Variants in RASA2 observed in about 807,000 individuals in gnomAD.
RASA2 encodes RAS p21 protein activator 2.
In RASA2, 155 loss-of-function variants were observed where a neutral mutation model predicts 118.2. The observed-to-expected ratio is 1.31, with a 90% CI of 1.15 to 1.50. The LOEUF is 1.50. RASA2 is among the 40% of genes most tolerant of loss of function. The pLI, the probability that RASA2 is intolerant of heterozygous loss-of-function variation, is 0.00. For synonymous variants in RASA2, 353 were observed against 349.1 expected, an observed-to-expected ratio of 1.01 and a Z score of -0.12; for missense variants, 1,016 against 1,009.6, an observed-to-expected ratio of 1.01 and a Z score of -0.09.
At chr3:141,531,000 C>T (rs2082251853) in intron 4 of RASA2, among the ~76,000 whole-genome samples, 1 of 151,934 alleles carries the variant, frequency 6.6e-6, no homozygotes, top group Non-Finnish European at 1.5e-5. Flanking sequence ...TTGCTGTGTT[C>T]GATTCATATG....
At chr3:141,526,493 T>G (rs979883276) in intron 3 of RASA2, among the ~76,000 whole-genome samples, 2 of 152,144 alleles carry the variant, frequency 1.3e-5, no homozygotes, top group Non-Finnish European at 2.9e-5. Context: ...TTTTATTCCC[T>G]TGGGCTGATG....
chr3:141,500,839 T>C (rs1003662392), intron 1 of RASA2, among the ~76,000 whole-genome samples: 7 of 152,146 alleles, frequency 4.6e-5, no homozygotes, highest in Admixed American at 1.3e-4. Context: ...ATTTCAAGTG[T>C]TGTCTCTCAG....
At chr3:141,592,622 G>A (rs1276850507) in intron 19 of RASA2, among the ~76,000 whole-genome samples, 1 of 152,148 alleles carries the variant, frequency 6.6e-6, no homozygotes, top group Non-Finnish European at 1.5e-5. Flanking sequence ...TATTCTAGAG[G>A]AGAAAAGAGA....
Position 141,516,410 on chromosome 3 carries a change from T to C in RASA2, c.334T>C (p.Leu112=). 6.4e-7 allele frequency: 1 copy of C among 1,551,778 alleles called. No individual in the cohort carries two copies. The highest frequency in any genetic ancestry group is 8.7e-7 in the Non-Finnish European group (1 of 1,149,288). Residue 112 remains leucine, a synonymous_variant, in exon 3 of 24, where the codon TTA becomes CTA. Transcript: ENST00000286364. ...LSFYVYDKNV[L]QRDLRIGKVA... ...TTTCTATGTTTATGATAAGAATGTTTTACAAAGAGATCTCCGTATAGGTAT... is the reference window on the plus strand; with the variant it reads ...TTTCTATGTTTATGATAAGAATGTTCTACAAAGAGATCTCCGTATAGGTAT...
intron 9 of RASA2, among the ~76,000 whole-genome samples, chr3:141,563,462 C>G (rs1407954969): frequency 6.6e-6 from 1 of 152,018 alleles, no homozygotes; most frequent in Non-Finnish European, 1.5e-5. Context: ...TTAAAATAAT[C>G]ACATTTATAT....
At chr3:141,606,987 G>A (rs766930464) in intron 19 of RASA2, among the ~76,000 whole-genome samples, 19 of 152,110 alleles carry the variant, frequency 1.2e-4, no homozygotes, top group Non-Finnish European at 2.6e-4. Flanking sequence ...CAGGTAAATC[G>A]TTAAGTTGAA....
chr3:141,520,420 T>A (rs1035432682), intron 3 of RASA2, among the ~76,000 whole-genome samples: 1 of 152,110 alleles, frequency 6.6e-6, no homozygotes, highest in Non-Finnish European at 1.5e-5. Flanking sequence ...AGGATATAAA[T>A]TGGGACCAAA....
At chr3:141,583,990 C>T (rs2083157012) in intron 17 of RASA2, among the ~76,000 whole-genome samples, 1 of 151,712 alleles carries the variant, frequency 6.6e-6, no homozygotes. Flanking sequence ...AAGAATTGTT[C>T]CTCAAAATCA....
rs148824879 is a variant in RASA2, at chr3:141,551,356, A to G, written c.528-2501A>G. Among the ~76,000 whole-genome samples the G allele has an allele frequency of 4.4e-3, 670 of 152,240 alleles. 4 individuals carry two copies. The highest frequency in any genetic ancestry group is 0.015 in the African/African-American group (633 of 41,528). ...CAGGTTTTCTACTGTGGCTGATGGT[A>G]CCTCTTGCTAGCCATGTGTGGGTTT... On this transcript the variant is annotated intron_variant, in intron 5 of 23. Transcript: ENST00000286364.
chr3:141,534,135 A>T (rs1158322996), intron 4 of RASA2, among the ~76,000 whole-genome samples: 8 of 152,172 alleles, frequency 5.3e-5, no homozygotes, highest in African/African-American at 1.7e-4. Flanking sequence ...GCTTCAGTGA[A>T]CTACAGCCGT....
intron 15 of RASA2, chr3:141,578,667 T>A (rs2083052306): frequency 6.6e-6 from 1 of 152,198 alleles, no homozygotes; most frequent in South Asian, 2.1e-4. Flanking sequence ...ATTCTGTGGC[T>A]TTGTTACTAA....
intron 9 of RASA2, among the ~76,000 whole-genome samples, 177 bp from the exon 10 acceptor site, chr3:141,570,735 C>T (rs923197584): frequency 2.6e-5 from 4 of 152,034 alleles, no homozygotes; most frequent in African/African-American, 9.7e-5. Context: ...CTTTGTAATC[C>T]AATGTATAAC....
At chr3:141,580,551 A>AAAATAC in intron 16 of RASA2, 100 bp downstream of exon 16, 4 of 714,392 alleles carry the variant, frequency 5.6e-6, no homozygotes, top group Non-Finnish European at 9.1e-6. Context: ...TTAAAAACAA[A>AAAATAC]ACATACACAC....
At chr3:141,510,377 C>A (rs1229770658) in intron 1 of RASA2, among the ~76,000 whole-genome samples, 1 of 152,150 alleles carries the variant, frequency 6.6e-6, no homozygotes, top group African/African-American at 2.4e-5. Context: ...GACTTCAAAA[C>A]TTCAAAACTA....
intron 19 of RASA2, among the ~76,000 whole-genome samples, chr3:141,594,029 A>G (rs1036669738): frequency 2.0e-5 from 3 of 152,210 alleles, no homozygotes; most frequent in African/African-American, 7.2e-5. Flanking sequence ...TAAAGCCTCT[A>G]TTATAAATAT....
In RASA2 at chr3:141,560,012, T is replaced by G. The variant is rs761686746; in HGVS notation, c.863+17T>G. ...TCAAGCCTGGTAAGGGCCCAGCATTTTAGTGAACTCCATAGTTTAATTCTC... is the reference window on the plus strand; with the variant it reads ...TCAAGCCTGGTAAGGGCCCAGCATTGTAGTGAACTCCATAGTTTAATTCTC... On this transcript the variant is annotated intron_variant, in intron 9 of 23. Coordinates refer to ENST00000286364, the MANE Select transcript of RASA2 (RefSeq NM_006506.5). 1.3e-6 allele frequency: 2 copies of G among 1,574,190 alleles called. No individual in the cohort carries two copies.
intron 7 of RASA2, 91 bp from the exon 8 acceptor site, chr3:141,558,795 A>G (rs2082686394): frequency 2.0e-6 from 2 of 1,000,328 alleles, no homozygotes; most frequent in African/African-American, 1.6e-5. Flanking sequence ...GCTTTTATCC[A>G]CAATTGAATA....
chr3:141,487,216 TG>T lies in RASA2; in HGVS notation c.133+1del. On this transcript the variant is annotated splice_donor_variant, in intron 1 of 23. Coordinates refer to ENST00000286364, the MANE Select transcript of RASA2 (RefSeq NM_006506.5). LOFTEE classifies it high-confidence loss of function. ...GTTGCAGAGCCTGCGGGGCAAGATC[TG>T]TAAGCGGGGGCTGGGCTGAGGGGAC... The T allele has an allele frequency of 7.1e-7, 1 of 1,414,780 alleles. No homozygotes were observed. The highest frequency in any genetic ancestry group is 9.3e-7 in the Non-Finnish European group (1 of 1,071,602). 87.6% of individuals were successfully genotyped at this position (1,414,780 alleles called of 1,614,324 possible). A position where few individuals can be genotyped will look rare whatever the true frequency, so the allele number is the denominator to read the frequency against.
At chr3:141,523,280 C>A (rs1479206801) in intron 3 of RASA2, among the ~76,000 whole-genome samples, 1 of 152,116 alleles carries the variant, frequency 6.6e-6, no homozygotes, top group African/African-American at 2.4e-5. Flanking sequence ...TACCCACCCC[C>A]ACACCTGGCT....
Sources: gnomAD v4.1 joint callset for allele counts (sites outside exome capture counted in the v4.1 genomes callset) on GRCh38, gnomAD v4.1.1 for gene constraint, MANE v1.5 for transcripts, NCBI Gene and HGNC (gene_info 2026-07-23, HGNC 2026-07-21) for gene names.